ESF1: variants seen among roughly 807,000 people sequenced by gnomAD.
The protein encoded by ESF1 is ESF1 nucleolar pre-rRNA processing protein.
A neutral mutation model predicts 92.0 loss-of-function variants in ESF1; 58 were observed. The observed-to-expected ratio is 0.63, with a 90% confidence interval of 0.51 to 0.78. The LOEUF is 0.78. ESF1 is among the 30% of genes least tolerant of loss of function. ESF1 has a pLI of 0.00. For synonymous variants in ESF1, 321 were observed against 313.7 expected (o/e 1.02, Z -0.24); for missense variants, 922 against 989.1 (o/e 0.93, Z 0.91).
chr20:13,762,532 T>G (rs1600287127), intron 8 of ESF1, among the ~76,000 whole-genome samples: 1 of 152,230 alleles, frequency 6.6e-6, no homozygotes, highest in South Asian at 2.1e-4. Context: ...GTACTGAAAT[T>G]TTACAATCTG....
intron 11 of ESF1, among the ~76,000 whole-genome samples, chr20:13,720,672 T>C (rs1377804291): frequency 6.6e-6 from 1 of 152,260 alleles, no homozygotes; most frequent in Non-Finnish European, 1.5e-5. Flanking sequence ...ATGTCTATTA[T>C]ATAGTAACAT....
At chr20:13,732,280 G>T (rs554542399) in intron 10 of ESF1, among the ~76,000 whole-genome samples, 26 of 152,264 alleles carry the variant, frequency 1.7e-4, no homozygotes, top group African/African-American at 5.1e-4. Context: ...CTACCCATTT[G>T]GTCACAGAAG....
Position 13,731,531 on chromosome 20 carries a change from CAAAAAAAAAAAAAA to C in ESF1, c.1950+2176_1950+2189del, listed in dbSNP as rs35867169. 2.9e-4 allele frequency among the ~76,000 whole-genome samples: 21 copies of C among 71,514 alleles called. No homozygotes were observed. The South Asian group carries it at 0.012, about 40-fold the overall frequency. The allele number at this position is 71,514 out of a possible 152,430, so 46.9% of individuals were successfully genotyped here. A position where few individuals can be genotyped will look rare whatever the true frequency, so the allele number is the denominator to read the frequency against. On this transcript the variant is annotated intron_variant, in intron 10 of 13. Transcript: ENST00000617257. ...TGGGCGACAGAGCGAGACTCGGTCT[CAAAAAAAAAAAAAA>C]AAAAAAAAAGATATTTTACTGCCTA...
chr20:13,747,078 G>A (rs2050054419), intron 9 of ESF1, among the ~76,000 whole-genome samples: 1 of 152,074 alleles, frequency 6.6e-6, no homozygotes, highest in African/African-American at 2.4e-5. Context: ...AGGATGAAAG[G>A]GATCAAGATT....
At chr20:13,765,663 A>G (rs1979396246) in intron 8 of ESF1, among the ~76,000 whole-genome samples, 1 of 152,234 alleles carries the variant, frequency 6.6e-6, no homozygotes, top group Non-Finnish European at 1.5e-5. Context: ...GAAATGGTCA[A>G]TCTGAAGTAA....
chr20:13,723,175 G>C lies in ESF1; in HGVS notation c.2039-4191C>G, dbSNP rs138345901. 1.1e-3 allele frequency among the ~76,000 whole-genome samples: 167 copies of C among 152,260 alleles called. 1 individual carries two copies. Among genetic ancestry groups the C allele is most frequent in the African/African-American group, 3.8e-3 (157 of 41,560 alleles). On this transcript the variant is annotated intron_variant, in intron 11 of 13. Transcript: ENST00000617257. ...GGGTTTAGTTGAGCAATTCATATGA[G>C]AGAAGCTAAGAAAGTTCACTGGAGG...
chr20:13,782,985 G>A lies in ESF1; in HGVS notation c.156C>T (p.Ala52=), dbSNP rs377236260. ...TAATGGGGCGCCCTCTTTTATCCAC[G>A]GCATAGTTCAACTTGAACTTCTTGT... The part of the protein sequence containing the change: ...FHDKKFKLNY[A]VDKRGRPISH... The change falls in exon 2 of 14, where the codon GCC becomes GCT. Residue 52 remains alanine (A), a synonymous_variant. Coordinates refer to ENST00000617257, the MANE Select transcript of ESF1 (RefSeq NM_001276380.2). The A allele has an allele frequency of 1.3e-4, 204 of 1,613,982 alleles. No individual in the cohort carries two copies. The African/African-American group carries it at 2.2e-3, about 18-fold the overall frequency.
chr20:13,728,614 C>T (rs2049918797), intron 10 of ESF1, 149 bp from the exon 11 acceptor site: 1 of 653,656 alleles, frequency 1.5e-6, no homozygotes, highest in Non-Finnish European at 2.6e-6. Context: ...CGCCTGTAAT[C>T]TGAGCACTTT....
chr20:13,732,903 CTTAT>C (rs59748081), intron 10 of ESF1, among the ~76,000 whole-genome samples: 16,133 of 147,280 alleles, frequency 0.11, 1,011 homozygotes, highest in African/African-American at 0.17. Context: ...AGGAAATACT[CTTAT>C]TTATTTATTT....
At chr20:13,762,772 G>A (rs1251455251) in intron 8 of ESF1, 1 of 355,984 alleles carries the variant, frequency 2.8e-6, no homozygotes, top group East Asian at 1.0e-4. Context: ...TAGTAAATTT[G>A]TAATCAATTA....
intron 2 of ESF1, among the ~76,000 whole-genome samples, chr20:13,781,313 A>G (rs1184485136): frequency 1.3e-5 from 2 of 152,214 alleles, no homozygotes; most frequent in Non-Finnish European, 2.9e-5. Flanking sequence ...GGGATGTAAA[A>G]TATACATTGA....
intron 8 of ESF1, among the ~76,000 whole-genome samples, chr20:13,764,519 G>A (rs1436422559): frequency 1.3e-5 from 2 of 152,168 alleles, no homozygotes; most frequent in South Asian, 2.1e-4. Context: ...AAATCCACAC[G>A]TATCTCGATT....
chr20:13,720,633 A>T (rs543540257), intron 11 of ESF1, among the ~76,000 whole-genome samples: 7 of 152,222 alleles, frequency 4.6e-5, no homozygotes, highest in Non-Finnish European at 1.0e-4. Flanking sequence ...CTTCTAGACT[A>T]TAGTGAACTA....
intron 8 of ESF1, chr20:13,762,752 AATTAG>A (rs1979256323): frequency 8.5e-6 from 3 of 351,772 alleles, no homozygotes; most frequent in Admixed American, 4.3e-5. Flanking sequence ...AGAGGTACTA[AATTAG>A]ATTATAGTAA....
At chr20:13,755,250 A>G (rs148128890) in intron 9 of ESF1, among the ~76,000 whole-genome samples, 2 of 151,764 alleles carry the variant, frequency 1.3e-5, no homozygotes, top group African/African-American at 2.4e-5. Flanking sequence ...ACTAATATCT[A>G]TTAGGCCAGA....
chr20:13,721,006 C>A (rs564245290), intron 11 of ESF1, among the ~76,000 whole-genome samples: 82 of 152,234 alleles, frequency 5.4e-4, no homozygotes, highest in Middle Eastern at 6.8e-3. Flanking sequence ...ACCTGTAGTC[C>A]CAGCTACTAG....
chr20:13,733,910 TTA>T (rs2049960069), intron 9 of ESF1, 68 bp from the exon 10 acceptor site: 1 of 1,494,392 alleles, frequency 6.7e-7, no homozygotes, highest in Non-Finnish European at 8.9e-7. Flanking sequence ...AACATATAAT[TTA>T]TAAAGACAAA....
intron 9 of ESF1, among the ~76,000 whole-genome samples, chr20:13,750,405 T>C (rs570985974): frequency 1.1e-4 from 16 of 152,294 alleles, no homozygotes; most frequent in Non-Finnish European, 1.6e-4. Context: ...CTCGGGAGGC[T>C]GAGGCAGGAG....
chr20:13,719,703 C>T (rs1172707349), intron 11 of ESF1, among the ~76,000 whole-genome samples: 1 of 151,952 alleles, frequency 6.6e-6, no homozygotes, highest in Admixed American at 6.6e-5. Context: ...TACAAGGGAA[C>T]AGCTACTGTA....
Sources: allele counts gnomAD v4.1 joint callset (sites outside exome capture counted in the v4.1 genomes callset), GRCh38; gene constraint gnomAD v4.1.1; transcripts MANE v1.5; gene names NCBI Gene and HGNC (gene_info 2026-07-23, HGNC 2026-07-21).